ROCK2: variants seen among roughly 807,000 people sequenced by gnomAD.
ROCK2 encodes Rho associated coiled-coil containing protein kinase 2.
A neutral mutation model predicts 195.1 loss-of-function variants in ROCK2; 61 were observed. The ratio of observed to expected loss-of-function variants is 0.31; its 90% CI spans 0.25 to 0.39. ROCK2 has a LOEUF of 0.39. Among genes scored for constraint, ROCK2 ranks in the 10% least tolerant of loss-of-function variants. ROCK2 has a pLI of 1.00. For synonymous variants in ROCK2, 504 were observed against 545.5 expected (o/e 0.92, Z 1.06); for missense variants, 1,109 against 1,637.4 (o/e 0.68, Z 5.57).
At chr2:11,225,637 G>T (rs2148082749) in intron 6 of ROCK2, among the ~76,000 whole-genome samples, 1 of 152,194 alleles carries the variant, frequency 6.6e-6, no homozygotes, top group South Asian at 2.1e-4. Flanking sequence ...TGGCAGTCGT[G>T]AGAATTTAAA....
chr2:11,308,354 G>C, intron 1 of ROCK2: 1 of 1,250,088 alleles, frequency 8.0e-7, no homozygotes, highest in Non-Finnish European at 1.2e-6. Context: ...CCCATTTGAT[G>C]TTTAGCCTGT....
At chr2:11,338,579 C>G (rs58258043) in intron 1 of ROCK2, among the ~76,000 whole-genome samples, 1 of 152,038 alleles carries the variant, frequency 6.6e-6, no homozygotes, top group African/African-American at 2.4e-5. Context: ...AAGGACTGTG[C>G]GTCGTCGGAT....
At chr2:11,220,639 G>A (rs1475991192) in intron 9 of ROCK2, among the ~76,000 whole-genome samples, 3 of 152,144 alleles carry the variant, frequency 2.0e-5, no homozygotes, top group South Asian at 4.1e-4. Flanking sequence ...GACTCAATGC[G>A]AGTGCTCTGC....
chr2:11,206,091 A>G (rs1262428073), intron 20 of ROCK2, among the ~76,000 whole-genome samples: 1 of 152,088 alleles, frequency 6.6e-6, no homozygotes, highest in East Asian at 1.9e-4. Context: ...CTTGTGCAAC[A>G]AGAGTGAAAC....
chr2:11,202,952 G>A (rs1045289650), intron 20 of ROCK2, among the ~76,000 whole-genome samples: 1 of 152,120 alleles, frequency 6.6e-6, no homozygotes, highest in African/African-American at 2.4e-5. Context: ...TGATCTCAGT[G>A]GGGAGTGCAG....
At chr2:11,218,285 A>G (rs1311797061) in intron 11 of ROCK2, 170 bp downstream of exon 11, 4 of 448,504 alleles carry the variant, frequency 8.9e-6, no homozygotes, top group Non-Finnish European at 1.6e-5. Context: ...TATTTTAAAC[A>G]GATCCACAGA....
intron 3 of ROCK2, among the ~76,000 whole-genome samples, chr2:11,263,833 A>G (rs1666322303): frequency 6.6e-6 from 1 of 151,924 alleles, no homozygotes. Context: ...GGTTGGAAAA[A>G]GATCCATTGA....
At position 11,197,639 on chromosome 2, in the gene ROCK2, C is replaced by T. The variant is rs1166043025; in HGVS notation, c.3166G>A (p.Val1056Met). 6 of 1,612,948 alleles carry T rather than the reference C, an allele frequency of 3.7e-6. No homozygotes were observed. Among genetic ancestry groups the T allele is most frequent in the Admixed American group, 1.7e-5 (1 of 59,948 alleles). The change falls in exon 26 of 33, where the codon GTG becomes ATG. Residue 1056 changes from valine to methionine, a missense_variant. Physicochemically the swap from Val to Met is conservative, Grantham distance 21. Transcript: ENST00000315872. The surrounding 1 kb of genome is among the most constrained non-coding windows in gnomAD (Gnocchi z 4.9). ...CTATTCTCCTTCTCTTTTCTCCGCA[C>T]ATCTGTGTCATTACCACGCTTGACA... ...EPVKRGNDTDVRRKEKENRKL... is the reference protein window; with the variant it reads ...EPVKRGNDTDMRRKEKENRKL...
chr2:11,198,584 T>C lies in ROCK2; in HGVS notation c.3006A>G (p.Gln1002=). The C allele has an allele frequency of 6.2e-7, 1 of 1,612,336 alleles. No homozygotes were observed. The highest frequency in any genetic ancestry group is 1.3e-5 in the African/African-American group (1 of 74,998). Residue 1002 remains glutamine, a splice_region_variant and synonymous_variant, in exon 25 of 33, where the codon CAA becomes CAG. Coordinates refer to ENST00000315872, the MANE Select transcript of ROCK2 (RefSeq NM_004850.5). ...LNNKLKDVQE[Q]LSRLKDEEIS... ...TTTCTTCATCTTTCAATCTTGACAG[T>C]TCTGAAACATGGAAAAAAGTTAAAA...
intron 3 of ROCK2, among the ~76,000 whole-genome samples, chr2:11,254,076 A>G (rs867684633): frequency 6.6e-6 from 1 of 152,226 alleles, no homozygotes; most frequent in South Asian, 2.1e-4. Context: ...GAAAATACAA[A>G]TAAGTCCCAG....
At chr2:11,284,966 A>T (rs1037538064) in intron 3 of ROCK2, among the ~76,000 whole-genome samples, 5 of 152,206 alleles carry the variant, frequency 3.3e-5, no homozygotes, top group Admixed American at 2.0e-4. Context: ...CAAGTCATTA[A>T]AATGTTTAAT....
chr2:11,187,176 T>TC (rs1365656042), intron 32 of ROCK2, among the ~76,000 whole-genome samples: 1 of 152,146 alleles, frequency 6.6e-6, no homozygotes, highest in African/African-American at 2.4e-5. Context: ...AATACAGTAG[T>TC]CCCCCCATAT....
At chr2:11,327,701 T>C (rs1668591687) in intron 1 of ROCK2, among the ~76,000 whole-genome samples, 1 of 152,174 alleles carries the variant, frequency 6.6e-6, no homozygotes, top group East Asian at 1.9e-4. Context: ...AAGCTGGGAC[T>C]ACAGGTGCAC....
At chr2:11,287,065 G>T (rs1333180780) in intron 2 of ROCK2, among the ~76,000 whole-genome samples, 2 of 152,112 alleles carry the variant, frequency 1.3e-5, no homozygotes, top group African/African-American at 4.8e-5. Flanking sequence ...TATATAAATA[G>T]TAACTATAGA....
intron 32 of ROCK2, among the ~76,000 whole-genome samples, chr2:11,188,498 C>T (rs1211986670): frequency 6.6e-6 from 1 of 152,190 alleles, no homozygotes; most frequent in Non-Finnish European, 1.5e-5. Flanking sequence ...TCACAAATTT[C>T]CTACTTTTCC....
At chr2:11,332,067 CAGG>C (rs1331147160) in intron 1 of ROCK2, among the ~76,000 whole-genome samples, 1 of 151,948 alleles carries the variant, frequency 6.6e-6, no homozygotes, top group Non-Finnish European at 1.5e-5. Context: ...TGCTTGAGTC[CAGG>C]AGTTCTAGGC....
At chr2:11,291,033 G>A (rs11686729) in intron 1 of ROCK2, among the ~76,000 whole-genome samples, 15,399 of 152,092 alleles carry the variant, frequency 0.1, 1,085 homozygotes, top group Middle Eastern at 0.22. Flanking sequence ...ATGAGAGAAA[G>A]GCAGGGAGAA....
intron 27 of ROCK2, among the ~76,000 whole-genome samples, chr2:11,195,505 ATT>A (rs1332539724): frequency 6.6e-6 from 1 of 152,008 alleles, no homozygotes; most frequent in African/African-American, 2.4e-5. Context: ...AATAATGTAA[ATT>A]TTGTTTTATT....
rs538017428 is a variant in ROCK2 at position 11,202,557 on chromosome 2, G to A, written c.2550-436C>T. ...CTGTCGCCCAGGCTGGAGTGCAGTG[G>A]TGCGATCTGGGCTCACTAAAAGTTC... On this transcript the variant is annotated intron_variant, in intron 20 of 32. Coordinates refer to ENST00000315872, the MANE Select transcript of ROCK2 (RefSeq NM_004850.5). Among the ~76,000 whole-genome samples the A allele has an allele frequency of 3.3e-5, 5 of 151,986 alleles. No individual in the cohort carries two copies. The East Asian group carries it at 9.7e-4, about 29-fold the overall frequency.
Sources: gnomAD v4.1 joint callset for allele counts (sites outside exome capture counted in the v4.1 genomes callset) on GRCh38, gnomAD v4.1.1 for gene constraint, Gnocchi (gnomAD v3.1) non-coding constraint, MANE v1.5 for transcripts, NCBI Gene and HGNC (gene_info 2026-07-23, HGNC 2026-07-21) for gene names.